The following MEIS1 variants were observed in gnomAD, a reference collection of about 807,000 sequenced individuals.
MEIS1 encodes the protein homeobox protein Meis1.
MEIS1 carries 5 observed loss-of-function variants against 50.8 expected under a neutral mutation model. That is an observed-to-expected ratio of 0.10 (90% CI 0.05 to 0.21). The LOEUF is 0.21. Among genes scored for constraint, MEIS1 ranks in the 10% least tolerant of loss-of-function variants. The probability of loss-of-function intolerance (pLI) is 1.00; values close to 1 mark genes in which losing one functional copy is unlikely to be tolerated. For synonymous variants in MEIS1, 176 were observed against 179.3 expected, an observed-to-expected ratio of 0.98 and a Z score of 0.15; for missense variants, 318 against 517.3, an observed-to-expected ratio of 0.61 and a Z score of 3.74.
chr2:66,459,123 G>T (rs1363769629), intron 6 of MEIS1, among the ~76,000 whole-genome samples: 2 of 152,120 alleles, frequency 1.3e-5, no homozygotes, highest in Non-Finnish European at 2.9e-5. Flanking sequence ...TCCAGGGGTT[G>T]ATGTGTATCA....
chr2:66,468,796 C>T (rs1272578876), intron 7 of MEIS1, among the ~76,000 whole-genome samples: 1 of 152,186 alleles, frequency 6.6e-6, no homozygotes, highest in Non-Finnish European at 1.5e-5. Flanking sequence ...TCACCTTAAA[C>T]TCAGAGGGGT....
chr2:66,462,112 GCATA>G (rs1301053376), intron 6 of MEIS1, among the ~76,000 whole-genome samples: 1 of 152,210 alleles, frequency 6.6e-6, no homozygotes, highest in East Asian at 1.9e-4. Flanking sequence ...GTCTGTTGTA[GCATA>G]AAGGAGGACA....
At chr2:66,529,662 A>G (rs956961575) in intron 8 of MEIS1, among the ~76,000 whole-genome samples, 2 of 152,210 alleles carry the variant, frequency 1.3e-5, no homozygotes, top group African/African-American at 2.4e-5. Flanking sequence ...GCATATGATG[A>G]TACTGCAGTG....
intron 7 of MEIS1, among the ~76,000 whole-genome samples, chr2:66,484,986 GA>G (rs1673104671): frequency 6.6e-6 from 1 of 152,122 alleles, no homozygotes; most frequent in Admixed American, 6.5e-5. Flanking sequence ...TATAGGACGA[GA>G]TTTTTTTTGG....
intron 8 of MEIS1, among the ~76,000 whole-genome samples, chr2:66,535,643 C>A (rs1430247646): frequency 6.6e-6 from 1 of 152,164 alleles, no homozygotes; most frequent in East Asian, 1.9e-4. Flanking sequence ...GACTAAGACT[C>A]TTCCCTCATC....
intron 2 of MEIS1, chr2:66,439,388 C>A (rs1242865857): frequency 2.4e-6 from 3 of 1,258,212 alleles, no homozygotes; most frequent in Admixed American, 3.9e-5. Context: ...CCACCGAGAT[C>A]CCCCGAGCCT....
chr2:66,555,438 T>C (rs1052367865), intron 9 of MEIS1, among the ~76,000 whole-genome samples: 2 of 152,134 alleles, frequency 1.3e-5, no homozygotes, highest in Non-Finnish European at 2.9e-5. Flanking sequence ...CTGTCTTCTG[T>C]AAATGTATTT....
chr2:66,521,118 C>G (rs1183404847), intron 8 of MEIS1, among the ~76,000 whole-genome samples: 1 of 152,122 alleles, frequency 6.6e-6, no homozygotes, highest in East Asian at 1.9e-4. Flanking sequence ...AGATATCTGC[C>G]CATAAAAAAG....
intron 9 of MEIS1, among the ~76,000 whole-genome samples, chr2:66,564,010 G>A (rs934014747): frequency 5.9e-5 from 9 of 152,256 alleles, no homozygotes; most frequent in Non-Finnish European, 5.9e-5. Context: ...CAAATAATTA[G>A]TTGTTCATAT....
At chr2:66,520,773 A>G (rs969153636) in intron 8 of MEIS1, among the ~76,000 whole-genome samples, 1 of 152,200 alleles carries the variant, frequency 6.6e-6, no homozygotes, top group African/African-American at 2.4e-5. Context: ...ACAATCCTGT[A>G]AGGTGGGCAG....
At chr2:66,566,484 AT>A (rs1675349390) in intron 9 of MEIS1, among the ~76,000 whole-genome samples, 1 of 152,108 alleles carries the variant, frequency 6.6e-6, no homozygotes, top group Admixed American at 6.6e-5. Context: ...GGAATTTACT[AT>A]TTCAGAATCT....
chr2:66,565,476 T>A (rs1244322590), intron 9 of MEIS1, among the ~76,000 whole-genome samples: 1 of 152,180 alleles, frequency 6.6e-6, no homozygotes, highest in Non-Finnish European at 1.5e-5. Context: ...TCTAGATGAG[T>A]GGCACTATAG....
At chr2:66,555,933 C>T (rs569181067) in intron 9 of MEIS1, among the ~76,000 whole-genome samples, 38 of 152,202 alleles carry the variant, frequency 2.5e-4, no homozygotes, top group Admixed American at 2.4e-3. Flanking sequence ...CGAGGGCAAA[C>T]GTTGGTCTTA....
chr2:66,462,090 T>A (rs1016752118), intron 6 of MEIS1, among the ~76,000 whole-genome samples: 1 of 152,148 alleles, frequency 6.6e-6, no homozygotes, highest in Non-Finnish European at 1.5e-5. Context: ...TAAAAGATAG[T>A]GAATATATCA....
At chr2:66,468,700 G>A (rs10519065) in intron 7 of MEIS1, among the ~76,000 whole-genome samples, 3 of 151,976 alleles carry the variant, frequency 2.0e-5, no homozygotes, top group Non-Finnish European at 4.4e-5. Flanking sequence ...CTTTCTGTTA[G>A]CAATTTGACA....
chr2:66,472,435 T>C (rs1672784216), intron 7 of MEIS1, among the ~76,000 whole-genome samples: 1 of 152,208 alleles, frequency 6.6e-6, no homozygotes, highest in African/African-American at 2.4e-5. Flanking sequence ...TCATCAAAAA[T>C]AGATTAAGCA....
intron 7 of MEIS1, among the ~76,000 whole-genome samples, chr2:66,495,080 CTT>C (rs70943701): frequency 0.069 from 6,287 of 90,584 alleles, 343 homozygotes; most frequent in African/African-American, 0.17. Flanking sequence ...CTCTTCTGAC[CTT>C]TTTTTTTTTT....
rs948901758 is a variant in MEIS1, at chr2:66,572,660, GAA to G, written c.*1454_*1455del. The G allele has an allele frequency of 2.6e-5, 4 of 152,092 alleles. No individual in the cohort carries two copies. Among genetic ancestry groups the G allele is most frequent in the African/African-American group, 9.7e-5 (4 of 41,408 alleles). 9.4% of individuals were successfully genotyped at this position (152,092 alleles called of 1,614,324 possible). Reference sequence around the variant, plus strand: ...ACACTGAGTCTTAGCGTTTCTGATGGAAACAGTTTGGATTGTATAATAACGCC... The same window carrying G: ...ACACTGAGTCTTAGCGTTTCTGATGGACAGTTTGGATTGTATAATAACGCC... On this transcript the variant is annotated 3_prime_UTR_variant, in exon 13 of 13. Transcript: ENST00000272369.
At chr2:66,502,816 A>G (rs190757016) in intron 7 of MEIS1, among the ~76,000 whole-genome samples, 16 of 152,286 alleles carry the variant, frequency 1.1e-4, no homozygotes. Flanking sequence ...TGTGCACAGG[A>G]ATATGAGAAG....
Sources: gnomAD v4.1 joint callset for allele counts (sites outside exome capture counted in the v4.1 genomes callset) on GRCh38, gnomAD v4.1.1 for gene constraint, MANE v1.5 for transcripts, NCBI Gene and HGNC (gene_info 2026-07-23, HGNC 2026-07-21) for gene names.